Variants in RGS3 observed in about 807,000 individuals in gnomAD.
RGS3 encodes regulator of G protein signaling 3.
In RGS3, 80 loss-of-function variants were observed where a neutral mutation model predicts 132.6. That is an observed-to-expected ratio of 0.60 (90% CI 0.50 to 0.73). RGS3 has a LOEUF of 0.73. Among genes scored for constraint, RGS3 ranks in the 30% least tolerant of loss-of-function variants. The pLI is 0.00. For missense variants in RGS3, 1,382 were observed against 1,530.8 expected (o/e 0.90, Z 1.62); for synonymous variants, 598 against 620.6 (o/e 0.96, Z 0.54).
chr9:113,511,447 C>T (rs1438907216), intron 14 of RGS3, among the ~76,000 whole-genome samples: 1 of 151,794 alleles, frequency 6.6e-6, no homozygotes, highest in Non-Finnish European at 1.5e-5. Context: ...CCACTAGCCA[C>T]ATATTATCCA....
At chr9:113,555,110 GATGGTTTGGT>G (rs1197953346) in intron 19 of RGS3, among the ~76,000 whole-genome samples, 1 of 152,042 alleles carries the variant, frequency 6.6e-6, no homozygotes, top group Admixed American at 6.6e-5. Context: ...TCCACATATG[GATGGTTTGGT>G]TTCTAAGCTC....
chr9:113,504,924 GC>G (rs1831062879), intron 10 of RGS3: 2 of 154,880 alleles, frequency 1.3e-5, no homozygotes, highest in Admixed American at 6.3e-5. Context: ...CTGACCCTTG[GC>G]CTGAGATGGA....
At position 113,450,161 on chromosome 9, in the gene RGS3, C is replaced by T. The variant is rs187944153; in HGVS notation, c.-13+5234C>T. On this transcript the variant is annotated intron_variant, in intron 1 of 25. Coordinates refer to the RGS3 transcript ENST00000374140. Reference sequence around the variant, plus strand: ...CTCGGCTCACTGCAACCTCGCCTCCCGGGTTCAAGTGATTTTCCTGCCTCA... The same window carrying T: ...CTCGGCTCACTGCAACCTCGCCTCCTGGGTTCAAGTGATTTTCCTGCCTCA... Among the ~76,000 whole-genome samples the T allele has an allele frequency of 7.4e-4, 113 of 152,250 alleles. 1 individual carries two copies. The highest frequency in any genetic ancestry group is 2.6e-3 in the African/African-American group (107 of 41,528).
At chr9:113,588,846 C>T (rs1835266218) in intron 20 of RGS3, among the ~76,000 whole-genome samples, 1 of 152,210 alleles carries the variant, frequency 6.6e-6, no homozygotes, top group Admixed American at 6.5e-5. Context: ...AATAAGGAAA[C>T]TGAGGCACAG....
chr9:113,564,820 G>A, intron 19 of RGS3: 1 of 532,960 alleles, frequency 1.9e-6, no homozygotes, highest in Non-Finnish European at 2.4e-6. Flanking sequence ...CACCCTGGGG[G>A]CAGTCGCATT....
At chr9:113,496,924 C>T (rs1830703539) in intron 8 of RGS3, among the ~76,000 whole-genome samples, 1 of 152,124 alleles carries the variant, frequency 6.6e-6, no homozygotes, top group Non-Finnish European at 1.5e-5. Flanking sequence ...TGCTCAGGAG[C>T]CACAGGATGC....
Position 113,484,006 on chromosome 9 carries a change from C to T in RGS3, c.526-132C>T, listed in dbSNP as rs1830244247. 4.6e-5 allele frequency: 26 copies of T among 560,600 alleles called. No individual in the cohort carries two copies. In the East Asian group the frequency reaches 7.4e-4, roughly 16 times the overall value. The allele number at this position is 560,600 out of a possible 1,614,324, so 34.7% of individuals were successfully genotyped here. On this transcript the variant is annotated intron_variant, in intron 5 of 24. Transcript: ENST00000350696. ...CCCTTGCAGCATCTGACAGGGGACT[C>T]TATTCTGTCCTCTGCAGAGGCTGAC...
chr9:113,525,495 A>G (rs930802099), intron 17 of RGS3, among the ~76,000 whole-genome samples: 3 of 152,270 alleles, frequency 2.0e-5, no homozygotes, highest in Admixed American at 1.3e-4. Flanking sequence ...TGAGGCTTTT[A>G]AGGGATGCAT....
At chr9:113,514,042 T>A (rs181908767) in intron 14 of RGS3, among the ~76,000 whole-genome samples, 87 of 152,314 alleles carry the variant, frequency 5.7e-4, no homozygotes, top group African/African-American at 1.9e-3. Flanking sequence ...CTGCTCCAAC[T>A]GATTGTTCCA....
chr9:113,579,519 C>A lies in RGS3; in HGVS notation c.2038-3931C>A, dbSNP rs1347996931. Among the ~76,000 whole-genome samples, 1 of 152,192 alleles carries A rather than the reference C, an allele frequency of 6.6e-6. No individual in the cohort carries two copies. On this transcript the variant is annotated intron_variant, in intron 19 of 24. Transcript: ENST00000350696. This position sits in a 1 kb window ranked among gnomAD's most constrained non-coding sequence, Gnocchi z 4.3. Reference sequence around the variant, plus strand: ...TGGATGGGAAAGACACAGACCCCCACCTTGGGAGGGTGGGGCAGTGGCTTC... The same window carrying A: ...TGGATGGGAAAGACACAGACCCCCAACTTGGGAGGGTGGGGCAGTGGCTTC...
At chr9:113,561,026 C>A (rs939435871) in intron 19 of RGS3, among the ~76,000 whole-genome samples, 2 of 152,092 alleles carry the variant, frequency 1.3e-5, no homozygotes, top group Non-Finnish European at 2.9e-5. Context: ...CTCTCTCTTT[C>A]TCTTTTTTTC....
chr9:113,450,410 G>C (rs971427869), intron 1 of RGS3, among the ~76,000 whole-genome samples: 8 of 152,208 alleles, frequency 5.3e-5, no homozygotes, highest in Non-Finnish European at 1.2e-4. Context: ...CCCCAGGCTT[G>C]GCAGTAGGCA....
intron 10 of RGS3, among the ~76,000 whole-genome samples, chr9:113,499,272 A>C (rs1830790259): frequency 6.6e-6 from 1 of 151,024 alleles, no homozygotes; most frequent in Non-Finnish European, 1.5e-5. Flanking sequence ...CCAGCAATTC[A>C]TTAGCCCCTG....
chr9:113,507,209 C>G lies in RGS3; in HGVS notation c.1086-78C>G. 7.5e-6 allele frequency: 9 copies of G among 1,199,158 alleles called. No individual in the cohort carries two copies. Among genetic ancestry groups the G allele is most frequent in the Non-Finnish European group, 9.5e-6 (8 of 845,590 alleles). The allele number at this position is 1,199,158 out of a possible 1,614,324, so 74.3% of individuals were successfully genotyped here. A position where few individuals can be genotyped will look rare whatever the true frequency, so the allele number is the denominator to read the frequency against. ...GCCTCCTCTTCCCCCATTATCCTCT[C>G]TGCCCTGTGGGCCCTCACTCTGGCT... is the stretch of plus-strand genomic sequence containing the variant. On this transcript the variant is annotated intron_variant, in intron 12 of 24. Coordinates refer to ENST00000350696, the Ensembl canonical transcript of RGS3. This position sits in a 1 kb window ranked among gnomAD's most constrained non-coding sequence, Gnocchi z 5.0.
chr9:113,576,970 T>C (rs1379148022), intron 19 of RGS3, among the ~76,000 whole-genome samples: 2 of 152,194 alleles, frequency 1.3e-5, no homozygotes, highest in African/African-American at 4.8e-5. Flanking sequence ...AAAAGATTAA[T>C]CAACTTTTTA....
At chr9:113,444,956 C>G (rs1829071626) in intron 1 of RGS3, 1 of 152,156 alleles carries the variant, frequency 6.6e-6, no homozygotes, top group African/African-American at 2.4e-5. Context: ...CATTTCCCCA[C>G]CATCTGGGCC....
chr9:113,517,500 G>A (rs763114538), intron 15 of RGS3, 41 bp from the exon 14 acceptor site: 2 of 1,556,288 alleles, frequency 1.3e-6, no homozygotes, highest in Non-Finnish European at 1.8e-6. Flanking sequence ...TCCTCACCCA[G>A]CCTCTTTTTG....
chr9:113,489,634 C>T (rs527396387), intron 7 of RGS3, among the ~76,000 whole-genome samples: 1 of 152,172 alleles, frequency 6.6e-6, no homozygotes, highest in South Asian at 2.1e-4. Context: ...AATGACCCTC[C>T]AGCCTCAGCC....
rs1245275755 is a variant in RGS3 at position 113,506,014 on chromosome 9, C to T, written c.980-374C>T. 2.0e-5 allele frequency among the ~76,000 whole-genome samples: 3 copies of T among 152,078 alleles called. No individual in the cohort carries two copies. Among genetic ancestry groups the T allele is most frequent in the African/African-American group, 4.8e-5 (2 of 41,382 alleles). ...CCTACACAAGGGTGGGCATGAGGTT[C>T]GTGCACAATGATTGGCAGAGAAGGA... On this transcript the variant is annotated intron_variant, in intron 11 of 24. Transcript: ENST00000350696. This position sits in a 1 kb window ranked among gnomAD's most constrained non-coding sequence, Gnocchi z 4.7.
Sources: allele counts gnomAD v4.1 joint callset (sites outside exome capture counted in the v4.1 genomes callset), GRCh38; gene constraint gnomAD v4.1.1; non-coding constraint Gnocchi (gnomAD v3.1); transcripts MANE v1.5; gene names NCBI Gene and HGNC (gene_info 2026-07-23, HGNC 2026-07-21).